The following GLYAT variants were observed in gnomAD, a reference collection of about 807,000 sequenced individuals.
GLYAT encodes the protein glycine N-acyltransferase.
A neutral mutation model predicts 22.8 loss-of-function variants in GLYAT; 25 were observed. The ratio of observed to expected loss-of-function variants is 1.09; its 90% CI spans 0.80 to 1.53. GLYAT has a LOEUF of 1.53. GLYAT is among the 40% of genes most tolerant of loss of function. The probability of loss-of-function intolerance (pLI) is 0.00; values close to 1 mark genes in which losing one functional copy is unlikely to be tolerated. For missense variants in GLYAT, 411 were observed against 353.9 expected (o/e 1.16, Z -1.29); for synonymous variants, 140 against 122.7 (o/e 1.14, Z -0.93).
At chr11:58,724,929 G>A (rs934108371) in intron 1 of GLYAT, among the ~76,000 whole-genome samples, 6 of 151,968 alleles carry the variant, frequency 3.9e-5, no homozygotes, top group African/African-American at 1.5e-4. Flanking sequence ...ATTTTTGTAA[G>A]GATTAAAGGA....
intron 1 of GLYAT, among the ~76,000 whole-genome samples, chr11:58,726,490 CTT>C (rs1311674533): frequency 6.6e-6 from 1 of 152,102 alleles, no homozygotes; most frequent in African/African-American, 2.4e-5. Context: ...AAGGGTGACT[CTT>C]GAGTATTGAG....
intron 2 of GLYAT, among the ~76,000 whole-genome samples, chr11:58,720,793 T>G (rs148961445): frequency 1.3e-5 from 2 of 152,154 alleles, no homozygotes; most frequent in African/African-American, 4.8e-5. Context: ...TGCCAAACAT[T>G]GACAACTTAT....
chr11:58,714,987 A>G (rs751441072), intron 3 of GLYAT, among the ~76,000 whole-genome samples: 5 of 151,898 alleles, frequency 3.3e-5, no homozygotes, highest in Non-Finnish European at 7.4e-5. Context: ...TCCTGACAAA[A>G]GCATATTTTT....
chr11:58,726,197 G>GGT (rs1856810357), intron 1 of GLYAT, among the ~76,000 whole-genome samples: 1 of 152,026 alleles, frequency 6.6e-6, no homozygotes, highest in Non-Finnish European at 1.5e-5. Context: ...GGTGTGGGAT[G>GGT]TGGGGCATGG....
At chr11:58,719,662 G>A (rs1055548871) in intron 2 of GLYAT, among the ~76,000 whole-genome samples, 2 of 151,936 alleles carry the variant, frequency 1.3e-5, no homozygotes, top group African/African-American at 4.8e-5. Flanking sequence ...ATTTTCTACA[G>A]GGCCTGAAGA....
intron 2 of GLYAT, among the ~76,000 whole-genome samples, chr11:58,719,381 T>G (rs1856721802): frequency 6.6e-6 from 1 of 152,040 alleles, no homozygotes; most frequent in South Asian, 2.1e-4. Flanking sequence ...TGTAACTTCC[T>G]TAAGCCTCTT....
At chr11:58,726,068 T>C (rs1022831803) in intron 1 of GLYAT, among the ~76,000 whole-genome samples, 8 of 152,092 alleles carry the variant, frequency 5.3e-5, no homozygotes, top group African/African-American at 1.9e-4. Flanking sequence ...ATTTTCAGGT[T>C]TGGTTTTTTT....
intron 3 of GLYAT, among the ~76,000 whole-genome samples, chr11:58,714,483 G>C (rs941816468): frequency 1.3e-5 from 2 of 152,056 alleles, no homozygotes; most frequent in Non-Finnish European, 2.9e-5. Flanking sequence ...GTGTATAGAA[G>C]TTCTATCATT....
intron 3 of GLYAT, 47 bp downstream of exon 3, chr11:58,715,269 A>G (rs749470679): frequency 3.5e-6 from 3 of 854,078 alleles, no homozygotes; most frequent in African/African-American, 3.3e-5. Context: ...TGTAATAGGC[A>G]CACAGCTAAT....
chr11:58,708,844 G>A lies in GLYAT; in HGVS notation c.*922C>T, dbSNP rs1856572974. 6.6e-6 allele frequency: 1 copy of A among 152,094 alleles called. No homozygotes were observed. Among genetic ancestry groups the A allele is most frequent in the East Asian group, 1.9e-4 (1 of 5,198 alleles). 9.4% of individuals were successfully genotyped at this position (152,094 alleles called of 1,614,324 possible). On this transcript the variant is annotated 3_prime_UTR_variant, in exon 6 of 6. Coordinates refer to ENST00000344743, the MANE Select transcript of GLYAT (RefSeq NM_201648.3). ...TTATTTATGAATTACCCAGTCTCAGGTATTTTGTTACAGCAGGAACAAACT... is the reference window on the plus strand; with the variant it reads ...TTATTTATGAATTACCCAGTCTCAGATATTTTGTTACAGCAGGAACAAACT...
intron 1 of GLYAT, among the ~76,000 whole-genome samples, chr11:58,731,045 C>T (rs185499867): frequency 1.1e-3 from 174 of 152,156 alleles, no homozygotes; most frequent in Non-Finnish European, 1.9e-3. Context: ...CAAAGGCAAA[C>T]AGGAATAAAT....
intron 1 of GLYAT, among the ~76,000 whole-genome samples, chr11:58,728,889 A>AGAAAGAAGGAAGGAGGGAAGGAAG (rs1310407303): frequency 9.9e-6 from 1 of 101,236 alleles, no homozygotes; most frequent in African/African-American, 4.2e-5. Context: ...AAAGAAAGAA[A>AGAAAGAAGGAAGGAGGGAAGGAAG]GAAGGAAGGA....
intron 2 of GLYAT, among the ~76,000 whole-genome samples, chr11:58,715,981 C>T (rs1370173986): frequency 6.6e-6 from 1 of 152,126 alleles, no homozygotes; most frequent in South Asian, 2.1e-4. Context: ...GTTTAAAACT[C>T]TTTAGCATTG....
At chr11:58,728,851 G>GAAGAAAAAAAGAAAGA (rs1554966448) in intron 1 of GLYAT, 42 of 90,698 alleles carry the variant, frequency 4.6e-4, no homozygotes, top group African/African-American at 1.6e-3. Context: ...AGGAAAGAAA[G>GAAGAAAAAAAGAAAGA]AAGAAAGAAA....
Position 58,708,766 on chromosome 11 carries a change from T to A in GLYAT, c.*1000A>T, listed in dbSNP as rs1183724169. 1 of 152,150 alleles carries A rather than the reference T, an allele frequency of 6.6e-6. No individual in the cohort carries two copies. Among genetic ancestry groups the A allele is most frequent in the African/African-American group, 2.4e-5 (1 of 41,440 alleles). 9.4% of individuals were successfully genotyped at this position (152,150 alleles called of 1,614,324 possible). A position where few individuals can be genotyped will look rare whatever the true frequency, so the allele number is the denominator to read the frequency against. On this transcript the variant is annotated 3_prime_UTR_variant, in exon 6 of 6. Coordinates refer to ENST00000344743, the MANE Select transcript of GLYAT (RefSeq NM_201648.3). ...TTCCAGCCTCCAGAACTGTGATAAA[T>A]AAATTTTTAATTATTTTATTATTAT... is the stretch of plus-strand genomic sequence containing the variant.
intron 2 of GLYAT, 64 bp downstream of exon 2, chr11:58,724,352 C>T: frequency 1.2e-6 from 1 of 831,688 alleles, no homozygotes; most frequent in Non-Finnish European, 2.0e-6. Context: ...AATATCAGTC[C>T]CTTTCCCTCC....
chr11:58,716,629 ACT>A (rs1217624793), intron 2 of GLYAT, among the ~76,000 whole-genome samples: 1 of 151,946 alleles, frequency 6.6e-6, no homozygotes, highest in Non-Finnish European at 1.5e-5. Context: ...AATATGTGAA[ACT>A]CTTATTTTTT....
Position 58,712,882 on chromosome 11 carries a change from A to C in GLYAT, c.194T>G (p.Met65Arg). ...TVVVCPQEQD[M>R]TDDLDHYTNT... ...GGTATAGTGATCAAGGTCATCTGTCATATCCTGTTATCATTAGGAAAAAGG... is the reference window on the plus strand; with the variant it reads ...GGTATAGTGATCAAGGTCATCTGTCCTATCCTGTTATCATTAGGAAAAAGG... The change falls in exon 4 of 6, where the codon ATG becomes AGG. Residue 65 changes from methionine (M) to arginine (R), a missense_variant. Transcript: ENST00000344743. 1 of 1,590,132 alleles carries C rather than the reference A, an allele frequency of 6.3e-7. No individual in the cohort carries two copies. The highest frequency in any genetic ancestry group is 1.7e-4 in the Middle Eastern group (1 of 5,980).
At chr11:58,720,522 G>T (rs561658439) in intron 2 of GLYAT, among the ~76,000 whole-genome samples, 2 of 151,986 alleles carry the variant, frequency 1.3e-5, no homozygotes, top group Non-Finnish European at 2.9e-5. Flanking sequence ...ATTCCTGGAC[G>T]TAGGCCTAAC....
Sources: gnomAD v4.1 joint callset for allele counts (sites outside exome capture counted in the v4.1 genomes callset) on GRCh38, gnomAD v4.1.1 for gene constraint, MANE v1.5 for transcripts, NCBI Gene and HGNC (gene_info 2026-07-23, HGNC 2026-07-21) for gene names.